PON1: variants seen among roughly 807,000 people sequenced by gnomAD.
PON1 encodes paraoxonase 1.
PON1 carries 37 observed loss-of-function variants against 39.2 expected under a neutral mutation model. The ratio of observed to expected loss-of-function variants is 0.94; its 90% CI spans 0.73 to 1.24. PON1 has a LOEUF of 1.24. Among genes scored for constraint, PON1 ranks in the 50% most tolerant of loss-of-function variants. The pLI, the probability that PON1 is intolerant of heterozygous loss-of-function variation, is 0.00. For synonymous variants in PON1, 148 were observed against 152.2 expected, an observed-to-expected ratio of 0.97 and a Z score of 0.21; for missense variants, 397 against 413.5, an observed-to-expected ratio of 0.96 and a Z score of 0.35.
At chr7:95,307,495 T>C (rs1327931720) in intron 6 of PON1, among the ~76,000 whole-genome samples, 1 of 152,250 alleles carries the variant, frequency 6.6e-6, no homozygotes, top group East Asian at 1.9e-4. Context: ...AGACCAATGT[T>C]GGTTTGCAAA....
At chr7:95,319,314 A>C (rs2272365) in intron 1 of PON1, among the ~76,000 whole-genome samples, 19,015 of 152,042 alleles carry the variant, frequency 0.13, 1,715 homozygotes, top group East Asian at 0.43. Context: ...GCTAGATAAA[A>C]TTCTTACCGA....
intron 5 of PON1, 36 bp from the exon 6 acceptor site, chr7:95,308,247 GA>G (rs1807583842): frequency 1.3e-6 from 2 of 1,571,068 alleles, no homozygotes. Context: ...TATATAAGGT[GA>G]AGGTATTGAA....
chr7:95,311,342 G>T, intron 5 of PON1, 109 bp downstream of exon 5: 2 of 1,342,136 alleles, frequency 1.5e-6, no homozygotes, highest in Non-Finnish European at 2.1e-6. Flanking sequence ...GTGATCATTA[G>T]AAATGAGAGT....
intron 4 of PON1, among the ~76,000 whole-genome samples, chr7:95,312,386 G>A (rs1166825139): frequency 6.6e-6 from 1 of 152,110 alleles, no homozygotes. Context: ...TAGAGATGGG[G>A]TTTCACCATG....
intron 2 of PON1, 69 bp from the exon 3 acceptor site, chr7:95,316,858 T>A (rs1287602885): frequency 1.7e-6 from 2 of 1,178,768 alleles, no homozygotes; most frequent in Non-Finnish European, 2.6e-6. Flanking sequence ...CATTTCTTTA[T>A]CACACCTCAC....
intron 7 of PON1, 34 bp downstream of exon 7, chr7:95,306,248 TATC>T: frequency 6.8e-7 from 1 of 1,463,916 alleles, no homozygotes; most frequent in African/African-American, 1.4e-5. Context: ...AGAATCTAAT[TATC>T]ACTCTGCAGA....
At chr7:95,303,346 G>A (rs1245959929) in intron 7 of PON1, among the ~76,000 whole-genome samples, 1 of 138,134 alleles carries the variant, frequency 7.2e-6, no homozygotes, top group African/African-American at 3.0e-5. Flanking sequence ...CAAGACAGGC[G>A]GCTCCATGCT....
intron 7 of PON1, among the ~76,000 whole-genome samples, chr7:95,305,515 G>A (rs368394206): frequency 3.5e-4 from 53 of 152,260 alleles, no homozygotes; most frequent in African/African-American, 1.2e-3. Context: ...ACCCTAGTTG[G>A]GGAATCAGGT....
At chr7:95,309,914 G>A (rs1378515977) in intron 5 of PON1, among the ~76,000 whole-genome samples, 1 of 152,186 alleles carries the variant, frequency 6.6e-6, no homozygotes, top group Non-Finnish European at 1.5e-5. Flanking sequence ...TGAGAGAGCA[G>A]AACTCTAGTT....
chr7:95,311,646 C>T, intron 4 of PON1, 69 bp from the exon 5 acceptor site: 1 of 1,527,310 alleles, frequency 6.5e-7, no homozygotes, highest in Non-Finnish European at 9.1e-7. Context: ...TCTCCAAAAA[C>T]CAATTTCAAC....
chr7:95,302,189 C>A lies in PON1; in HGVS notation c.909+16G>T. ...TGGGAATAAAGTCACTTATCTGGTT[C>A]ATTTTTAAAACTTACCTCTGATGCA... On this transcript the variant is annotated intron_variant, in intron 8 of 8. Coordinates refer to ENST00000222381, the MANE Select transcript of PON1 (RefSeq NM_000446.7). 1 of 1,519,746 alleles carries A rather than the reference C, an allele frequency of 6.6e-7. No individual in the cohort carries two copies. The highest frequency in any genetic ancestry group is 1.1e-5 in the South Asian group (1 of 89,822). 94.1% of individuals were successfully genotyped at this position (1,519,746 alleles called of 1,614,324 possible).
intron 8 of PON1, among the ~76,000 whole-genome samples, chr7:95,300,687 G>A (rs1398340145): frequency 6.6e-6 from 1 of 152,180 alleles, no homozygotes; most frequent in Non-Finnish European, 1.5e-5. Context: ...CATTAGAAAT[G>A]AAGTATTTTC....
chr7:95,302,616 G>C (rs1311933525), intron 7 of PON1, among the ~76,000 whole-genome samples: 1 of 150,280 alleles, frequency 6.7e-6, no homozygotes, highest in Non-Finnish European at 1.5e-5. Flanking sequence ...CAACATCTGT[G>C]CATGAACCTA....
intron 7 of PON1, among the ~76,000 whole-genome samples, chr7:95,305,086 T>C (rs2116304231): frequency 6.6e-6 from 1 of 152,372 alleles, no homozygotes. Context: ...CTGCCAGTGA[T>C]TTTTAATGTC....
At chr7:95,320,489 G>A (rs854568) in intron 1 of PON1, among the ~76,000 whole-genome samples, 104,407 of 152,132 alleles carry the variant, frequency 0.69, 36,817 homozygotes, top group Non-Finnish European at 0.78. Flanking sequence ...TTCAGGTACC[G>A]TATATGCCCG....
At chr7:95,313,752 G>C (rs1253757361) in intron 4 of PON1, among the ~76,000 whole-genome samples, 2 of 151,970 alleles carry the variant, frequency 1.3e-5, no homozygotes, top group Non-Finnish European at 2.9e-5. Flanking sequence ...CCAAATAGAA[G>C]TGTCCAGTAA....
At chr7:95,301,086 T>C (rs570825396) in intron 8 of PON1, among the ~76,000 whole-genome samples, 1 of 152,070 alleles carries the variant, frequency 6.6e-6, no homozygotes, top group Admixed American at 6.5e-5. Flanking sequence ...TACACAGCAG[T>C]AGACAAATAT....
intron 8 of PON1, among the ~76,000 whole-genome samples, chr7:95,300,566 T>C (rs1807398674): frequency 6.6e-6 from 1 of 152,198 alleles, no homozygotes; most frequent in Admixed American, 6.5e-5. Context: ...TAGTTGATGG[T>C]ACACCTTGGC....
chr7:95,308,224 C>T lies in PON1; in HGVS notation c.498-13G>A, dbSNP rs112536291. On this transcript the variant is annotated splice_polypyrimidine_tract_variant and intron_variant, in intron 5 of 8. Coordinates refer to ENST00000222381, the MANE Select transcript of PON1 (RefSeq NM_000446.7). ...AATATCATTCAAACTGCAATTAAAA[C>T]ATACACACATAATATATAAGGTGAA... 7.5e-6 allele frequency: 12 copies of T among 1,606,074 alleles called. No individual in the cohort carries two copies. In the African/African-American group the frequency reaches 1.2e-4, roughly 16 times the overall value.
Sources: allele counts gnomAD v4.1 joint callset (sites outside exome capture counted in the v4.1 genomes callset), GRCh38; gene constraint gnomAD v4.1.1; transcripts MANE v1.5; gene names NCBI Gene and HGNC (gene_info 2026-07-23, HGNC 2026-07-21).